The following TNXB variants were observed in gnomAD, a reference collection of about 807,000 sequenced individuals.
TNXB encodes tenascin XB.
A neutral mutation model predicts 340.5 loss-of-function variants in TNXB; 183 were observed. The observed-to-expected ratio is 0.54, with a 90% CI of 0.48 to 0.61. The LOEUF (loss-of-function observed/expected upper bound fraction) is 0.61. Ranked by LOEUF, TNXB falls within the 20% of genes least tolerant of loss-of-function variation. TNXB has a pLI of 0.00. For synonymous variants in TNXB, 2,121 were observed against 2,314.5 expected (o/e 0.92, Z 2.40); for missense variants, 4,613 against 5,446.4 (o/e 0.85, Z 4.82).
At chr6:32,066,032 G>A (rs1368739809) in intron 18 of TNXB, among the ~76,000 whole-genome samples, 3 of 152,092 alleles carry the variant, frequency 2.0e-5, no homozygotes, top group Non-Finnish European at 4.4e-5. Flanking sequence ...GGATGTCTGT[G>A]GTTCGTTTTT....
At position 32,048,115 on chromosome 6, in the gene TNXB, G is replaced by A. The variant is rs146578568; in HGVS notation, c.10046-103C>T. On this transcript the variant is annotated intron_variant, in intron 29 of 43. Coordinates refer to ENST00000644971, the MANE Select transcript of TNXB (RefSeq NM_001365276.2). ...TGTGAGCCGGTCCCAGGAACGGGAG[G>A]GTGACTGGGCCAGGAGTAGGAATAA... 204 of 1,389,786 alleles carry A rather than the reference G, an allele frequency of 1.5e-4. 2 individuals carry two copies. The African/African-American group carries it at 2.4e-3, about 16-fold the overall frequency. The allele number at this position is 1,389,786 out of a possible 1,614,324, so 86.1% of individuals were successfully genotyped here. A position where few individuals can be genotyped will look rare whatever the true frequency, so the allele number is the denominator to read the frequency against.
At chr6:32,071,480 G>A (rs1274635349) in intron 13 of TNXB, among the ~76,000 whole-genome samples, 1 of 152,068 alleles carries the variant, frequency 6.6e-6, no homozygotes, top group African/African-American at 2.4e-5. Flanking sequence ...TCCAACAAAA[G>A]TGGAAATTAC....
chr6:32,052,600 C>T lies in TNXB; in HGVS notation c.9115+70G>A, dbSNP rs1777346804. On this transcript the variant is annotated intron_variant, in intron 26 of 43. Coordinates refer to ENST00000644971, the MANE Select transcript of TNXB (RefSeq NM_001365276.2). The surrounding 1 kb of genome is among the most constrained non-coding windows in gnomAD (Gnocchi z 4.7). ...GAATACTCTTCAGAGTATGTTTTCACGAAGACTGGAGAGACAGCAGTGTCT... is the reference window on the plus strand; with the variant it reads ...GAATACTCTTCAGAGTATGTTTTCATGAAGACTGGAGAGACAGCAGTGTCT... The T allele has an allele frequency of 2.2e-5, 34 of 1,564,080 alleles. No homozygotes were observed. Among genetic ancestry groups the T allele is most frequent in the Middle Eastern group, 3.4e-4 (2 of 5,888 alleles).
intron 18 of TNXB, among the ~76,000 whole-genome samples, chr6:32,066,671 G>A (rs908331642): frequency 1.3e-5 from 2 of 152,202 alleles, no homozygotes; most frequent in Non-Finnish European, 2.9e-5. Flanking sequence ...AAATTAGATC[G>A]TGGTGATGGC....
Position 32,049,565 on chromosome 6 carries a change from T to C in TNXB, c.9462A>G (p.Thr3154=). 2.5e-6 allele frequency: 4 copies of C among 1,611,998 alleles called. No individual in the cohort carries two copies. Among genetic ancestry groups the C allele is most frequent in the Non-Finnish European group, 3.4e-6 (4 of 1,179,488 alleles). ...CCTCCGGGGCCTCAGTGCTGGGTTCTGTGGGGCTGGGGGTCTCTTCCTCTG... is the reference window on the plus strand; with the variant it reads ...CCTCCGGGGCCTCAGTGCTGGGTTCCGTGGGGCTGGGGGTCTCTTCCTCTG... ...GVTEEETPSP[T]EPSTEAPEAP... Residue 3154 remains threonine (T), a synonymous_variant, in exon 28 of 44, where the codon ACA becomes ACG. Transcript: ENST00000644971. The surrounding 1 kb of genome is among the most constrained non-coding windows in gnomAD (Gnocchi z 4.5).
chr6:32,081,353 G>A lies in TNXB; in HGVS notation c.4042+15C>T, dbSNP rs1421819540. The A allele has an allele frequency of 6.6e-7, 1 of 1,523,376 alleles. No homozygotes were observed. Among genetic ancestry groups the A allele is most frequent in the Non-Finnish European group, 8.9e-7 (1 of 1,127,520 alleles). 94.4% of individuals were successfully genotyped at this position (1,523,376 alleles called of 1,614,324 possible). A position where few individuals can be genotyped will look rare whatever the true frequency, so the allele number is the denominator to read the frequency against. On this transcript the variant is annotated intron_variant, in intron 10 of 43. Transcript: ENST00000644971. The surrounding 1 kb of genome is among the most constrained non-coding windows in gnomAD (Gnocchi z 5.1). ...GGGGCTAGCAGGGGAGGGAGGCCTG[G>A]CAGCCATGACTCACCAGTCTTGGCC...
chr6:32,099,713 A>G (rs1405855732), intron 1 of TNXB, among the ~76,000 whole-genome samples: 2 of 150,642 alleles, frequency 1.3e-5, no homozygotes, highest in Non-Finnish European at 3.0e-5. Flanking sequence ...TCCTTGCTCA[A>G]ATATCTCCAA....
intron 13 of TNXB, 94 bp downstream of exon 13, chr6:32,071,896 A>G: frequency 8.8e-7 from 1 of 1,137,922 alleles, no homozygotes; most frequent in Non-Finnish European, 1.2e-6. Flanking sequence ...AATGAGACAG[A>G]GCAGGTGGAC....
In TNXB at chr6:32,042,510, C is replaced by T. The variant is rs751192303; in HGVS notation, c.12155G>A (p.Arg4052His). The change falls in exon 40 of 44, where the codon CGC (arginine) becomes CAC (histidine). Residue 4052 changes from arginine (R) to histidine (H), a missense_variant. Coordinates refer to ENST00000644971, the MANE Select transcript of TNXB (RefSeq NM_001365276.2). The part of the protein sequence containing the change: ...RTSTIFLNGN[R>H]ERPLNVFCDM... ...GCAAAACACGTTCAGGGGCCGCTCG[C>T]GGTTGCCGTTGAGGAAGATGGTGCT... is the stretch of plus-strand genomic sequence containing the variant. The T allele has an allele frequency of 9.9e-6, 16 of 1,612,598 alleles. No individual in the cohort carries two copies. The highest frequency in any genetic ancestry group is 1.3e-5 in the African/African-American group (1 of 74,926).
At chr6:32,076,453 G>A (rs1779086430) in intron 11 of TNXB, among the ~76,000 whole-genome samples, 2 of 152,198 alleles carry the variant, frequency 1.3e-5, no homozygotes, top group African/African-American at 4.8e-5. Context: ...CTTTCCTAAA[G>A]GGCCTCATCT....
At chr6:32,078,431 G>C (rs1463091444) in intron 11 of TNXB, 1 of 128,630 alleles carries the variant, frequency 7.8e-6, no homozygotes, top group Non-Finnish European at 1.6e-5. Context: ...CTGGGCAACA[G>C]AGTGAGACTC....
chr6:32,091,513 T>C (rs568086913), intron 4 of TNXB, among the ~76,000 whole-genome samples: 1 of 150,188 alleles, frequency 6.7e-6, no homozygotes, highest in East Asian at 2.0e-4. Flanking sequence ...ATTTCGCTCT[T>C]GTCTCCCAGG....
At chr6:32,100,321 T>A (rs980741828) in intron 1 of TNXB, among the ~76,000 whole-genome samples, 1 of 151,656 alleles carries the variant, frequency 6.6e-6, no homozygotes, top group Non-Finnish European at 1.5e-5. Flanking sequence ...GCCAGGCTGG[T>A]CTCAAACTCC....
rs979263723 is a variant in TNXB, at chr6:32,084,747, C to G, written c.3149-38G>C. 51 of 1,494,322 alleles carry G rather than the reference C, an allele frequency of 3.4e-5. No individual in the cohort carries two copies. In the East Asian group the frequency reaches 1.2e-3, roughly 34 times the overall value. The allele number at this position is 1,494,322 out of a possible 1,614,324, so 92.6% of individuals were successfully genotyped here. On this transcript the variant is annotated intron_variant, in intron 7 of 43. Transcript: ENST00000644971. The surrounding 1 kb of genome is among the most constrained non-coding windows in gnomAD (Gnocchi z 5.5). ...AGGCAAAAGCAAAGCATAGTGGACT[C>G]AACCGTTCTCTTGTCTGTGTCTCCT...
chr6:32,086,178 C>T (rs937852871), intron 6 of TNXB, 60 bp from the exon 7 acceptor site: 2 of 1,430,548 alleles, frequency 1.4e-6, no homozygotes, highest in Admixed American at 2.8e-5. Flanking sequence ...GAAAGGAATC[C>T]CCAGTCCCCA....
chr6:32,078,806 T>C (rs1016460086), intron 11 of TNXB, among the ~76,000 whole-genome samples: 1 of 152,204 alleles, frequency 6.6e-6, no homozygotes, highest in Non-Finnish European at 1.5e-5. Flanking sequence ...CTCTGTGAGG[T>C]AGGTGTCCCC....
At position 32,080,847 on chromosome 6, in the gene TNXB, C is replaced by A. The variant is rs746270371; in HGVS notation, c.4042+521G>T. ...GCCCTGTTCCAAGGGGGCTGGGAGT[C>A]AAGGAGTCGGGAGCTGAGAGGAGTC... is the stretch of plus-strand genomic sequence containing the variant. On this transcript the variant is annotated intron_variant, in intron 10 of 43. Coordinates refer to ENST00000644971, the MANE Select transcript of TNXB (RefSeq NM_001365276.2). The surrounding 1 kb of genome is among the most constrained non-coding windows in gnomAD (Gnocchi z 4.3). Among the ~76,000 whole-genome samples the A allele has an allele frequency of 6.6e-6, 1 of 152,126 alleles. No individual in the cohort carries two copies. Among genetic ancestry groups the A allele is most frequent in the Non-Finnish European group, 1.5e-5 (1 of 68,020 alleles).
At position 32,096,532 on chromosome 6, in the gene TNXB, C is replaced by T; in HGVS notation, c.1321G>A (p.Gly441Ser). The T allele has an allele frequency of 6.3e-7, 1 of 1,594,794 alleles. No individual in the cohort carries two copies. The highest frequency in any genetic ancestry group is 8.5e-7 in the Non-Finnish European group (1 of 1,176,132). ...GSRACPRDCR[G>S]RGRCENGVCV... ...ACGCCGTTCTCGCAGCGCCCGCGAC[C>T]TCTACAGTCGCGTGGGCAGGCGCGC... The change falls in exon 3 of 44, where the codon GGT becomes AGT. Residue 441 changes from glycine (G) to serine (S), a missense_variant. By Grantham distance (56) the Gly-to-Ser change is moderately conservative. This residue lies in a region of TNXB where 4,327 missense variants were observed against 4,859.4 expected (regional missense o/e 0.89). Coordinates refer to ENST00000644971, the MANE Select transcript of TNXB (RefSeq NM_001365276.2).
In TNXB at chr6:32,074,575, G is replaced by A. The variant is rs769298584; in HGVS notation, c.4376-623C>T. ...AACCCCAGACTAGTGTTCGTGCAAC[G>A]TCTTCCTTGGAGGCCTACTTGTGTG... On this transcript the variant is annotated intron_variant, in intron 11 of 43. Coordinates refer to ENST00000644971, the MANE Select transcript of TNXB (RefSeq NM_001365276.2). The surrounding 1 kb of genome is among the most constrained non-coding windows in gnomAD (Gnocchi z 5.5). 2.6e-5 allele frequency among the ~76,000 whole-genome samples: 4 copies of A among 152,138 alleles called. No homozygotes were observed. The highest frequency in any genetic ancestry group is 4.8e-5 in the African/African-American group (2 of 41,416).
Sources: gnomAD v4.1 joint callset for allele counts (sites outside exome capture counted in the v4.1 genomes callset) on GRCh38, gnomAD v4.1.1 for gene constraint, gnomAD v4.1.1 regional missense constraint, Gnocchi (gnomAD v3.1) non-coding constraint, MANE v1.5 for transcripts, NCBI Gene and HGNC (gene_info 2026-07-23, HGNC 2026-07-21) for gene names.